NCKAP5: variants seen among roughly 807,000 people sequenced by gnomAD.
The protein encoded by NCKAP5 is nck-associated protein 5.
NCKAP5 carries 92 observed loss-of-function variants against 167.0 expected under a neutral mutation model. That is an observed-to-expected ratio of 0.55 (90% CI 0.47 to 0.66). The LOEUF (loss-of-function observed/expected upper bound fraction) is 0.66. Among genes scored for constraint, NCKAP5 ranks in the 30% least tolerant of loss-of-function variants. The pLI is 0.00. For synonymous variants in NCKAP5, 891 were observed against 877.4 expected, an observed-to-expected ratio of 1.02 and a Z score of -0.27; for missense variants, 2,378 against 2,315.0, an observed-to-expected ratio of 1.03 and a Z score of -0.56.
At position 133,559,044 on chromosome 2, in the gene NCKAP5, A is replaced by T. The variant is rs1317708798; in HGVS notation, c.-62+6T>A. ...GTATTATTAATAACGTATTAATACT[A>T]CTTACATGTATTGTGAGTCTATTTT... On this transcript the variant is annotated splice_donor_region_variant and intron_variant, in intron 2 of 19. Coordinates refer to ENST00000409261, the MANE Select transcript of NCKAP5 (RefSeq NM_207363.3). The T allele has an allele frequency of 1.3e-5, 2 of 152,254 alleles. No homozygotes were observed. The highest frequency in any genetic ancestry group is 3.9e-4 in the East Asian group (2 of 5,182). 9.4% of individuals were successfully genotyped at this position (152,254 alleles called of 1,614,324 possible).
intron 14 of NCKAP5, among the ~76,000 whole-genome samples, 161 bp from the exon 15 acceptor site, chr2:132,781,390 A>G (rs1683018442): frequency 6.6e-6 from 1 of 152,204 alleles, no homozygotes; most frequent in African/African-American, 2.4e-5. Context: ...CAAATCTTCA[A>G]ATATTCTAGT....
At chr2:133,045,850 T>C (rs1016113967) in intron 6 of NCKAP5, among the ~76,000 whole-genome samples, 9 of 152,160 alleles carry the variant, frequency 5.9e-5, no homozygotes, top group Non-Finnish European at 8.8e-5. Flanking sequence ...TGCGATGAGA[T>C]GAAGAGAGGT....
chr2:132,736,322 T>C (rs767336013), intron 16 of NCKAP5, among the ~76,000 whole-genome samples: 17 of 152,204 alleles, frequency 1.1e-4, no homozygotes, highest in Non-Finnish European at 1.9e-4. Context: ...AAAAATATTG[T>C]AACCCGAATT....
Position 132,784,913 on chromosome 2 carries a change from T to C in NCKAP5, c.1898A>G (p.Glu633Gly). ...FGKSLCGSPEEEEKQVPIPSE... is the reference protein window; with the variant it reads ...FGKSLCGSPEGEEKQVPIPSE... ...AGGGATGGGCACTTGTTTTTCCTCC[T>C]CTTCAGGAGACCCACATAGAGATTT... Residue 633 changes from glutamate (E) to glycine (G), a missense_variant, in exon 14 of 20, where the codon GAG becomes GGG. Physicochemically the swap from Glu to Gly is moderately conservative, Grantham distance 98 (BLOSUM62 -2). This residue lies in a region of NCKAP5 where 1,049 missense variants were observed against 1,023.4 expected (regional missense o/e 1.02). Coordinates refer to ENST00000409261, the MANE Select transcript of NCKAP5 (RefSeq NM_207363.3). 6 of 1,577,530 alleles carry C rather than the reference T, an allele frequency of 3.8e-6. No individual in the cohort carries two copies. The highest frequency in any genetic ancestry group is 5.2e-6 in the Non-Finnish European group (6 of 1,162,538).
chr2:133,476,601 T>C (rs955840320), intron 3 of NCKAP5, among the ~76,000 whole-genome samples: 16 of 152,324 alleles, frequency 1.1e-4, no homozygotes, highest in Non-Finnish European at 5.9e-5. Flanking sequence ...CTCCATGCTT[T>C]TAATTTACTC....
chr2:133,638,871 A>G, the NCKAP5 span, among the ~76,000 whole-genome samples: 2 of 152,078 alleles, frequency 1.3e-5, no homozygotes, highest in East Asian at 3.9e-4. Context: ...AAAAAAAAAA[A>G]AAGACTTATC....
intron 7 of NCKAP5, among the ~76,000 whole-genome samples, chr2:132,992,452 T>C (rs1423241751): frequency 6.6e-6 from 1 of 152,182 alleles, no homozygotes; most frequent in South Asian, 2.1e-4. Context: ...AGATCCACCA[T>C]GAAGAAATCA....
chr2:133,654,770 T>C, the NCKAP5 span, among the ~76,000 whole-genome samples: 19 of 152,342 alleles, frequency 1.2e-4, 1 homozygote, highest in African/African-American at 4.6e-4. Context: ...AGGGATAGTT[T>C]GACAAGTGTA....
chr2:133,665,678 T>A, the NCKAP5 span, among the ~76,000 whole-genome samples: 1 of 151,828 alleles, frequency 6.6e-6, no homozygotes, highest in East Asian at 1.9e-4. Flanking sequence ...CAGACTTGCT[T>A]AATGCAGGGT....
At chr2:132,879,015 C>A in intron 8 of NCKAP5, 99 bp from the exon 9 acceptor site, 1 of 912,356 alleles carries the variant, frequency 1.1e-6, no homozygotes, top group Non-Finnish European at 1.8e-6. Context: ...CCTCGTGATC[C>A]AAAACAATCT....
At chr2:133,288,892 C>G (rs1041288386) in intron 4 of NCKAP5, among the ~76,000 whole-genome samples, 1 of 152,146 alleles carries the variant, frequency 6.6e-6, no homozygotes, top group Non-Finnish European at 1.5e-5. Context: ...TTCAACTGGC[C>G]TACCTAGATG....
chr2:133,450,578 C>G (rs901807132), intron 3 of NCKAP5, among the ~76,000 whole-genome samples: 1 of 152,200 alleles, frequency 6.6e-6, no homozygotes, highest in African/African-American at 2.4e-5. Flanking sequence ...ACATTTATTT[C>G]TTTTAAATCA....
chr2:133,081,586 G>C (rs1031634867), intron 6 of NCKAP5, among the ~76,000 whole-genome samples: 4 of 152,032 alleles, frequency 2.6e-5, no homozygotes, highest in African/African-American at 9.7e-5. Flanking sequence ...TTTAAAGCTT[G>C]GAAAGAAAGA....
At position 132,844,774 on chromosome 2, in the gene NCKAP5, A is replaced by T. The variant is rs188038418; in HGVS notation, c.807+15718T>A. Among the ~76,000 whole-genome samples, 147 of 152,260 alleles carry T rather than the reference A, an allele frequency of 9.7e-4. 1 individual carries two copies. The highest frequency in any genetic ancestry group is 1.6e-3 in the Non-Finnish European group (106 of 67,986). On this transcript the variant is annotated intron_variant, in intron 11 of 19. Coordinates refer to ENST00000409261, the MANE Select transcript of NCKAP5 (RefSeq NM_207363.3). ...ACATGTCACCCTCTGCACATGAATG[A>T]CGGTTTCTATAAATATGGATATGTG...
At chr2:132,730,873 CTATA>C (rs1690933709) in intron 17 of NCKAP5, among the ~76,000 whole-genome samples, 1 of 152,156 alleles carries the variant, frequency 6.6e-6, no homozygotes, top group South Asian at 2.1e-4. Flanking sequence ...ATGGGTATTC[CTATA>C]TAAAGGAAGA....
At chr2:133,421,321 T>C (rs1279945786) in intron 3 of NCKAP5, among the ~76,000 whole-genome samples, 1 of 151,230 alleles carries the variant, frequency 6.6e-6, no homozygotes, top group East Asian at 2.0e-4. Flanking sequence ...CTCCTAATTC[T>C]TTTGTTACAC....
At chr2:133,275,188 A>G (rs1257200933) in intron 4 of NCKAP5, among the ~76,000 whole-genome samples, 2 of 152,094 alleles carry the variant, frequency 1.3e-5, no homozygotes, top group Admixed American at 1.3e-4. Flanking sequence ...GGGAAATGCA[A>G]ATTAAAACAA....
intron 7 of NCKAP5, among the ~76,000 whole-genome samples, chr2:132,982,571 T>C (rs2077172043): frequency 6.6e-6 from 1 of 152,210 alleles, no homozygotes; most frequent in Non-Finnish European, 1.5e-5. Flanking sequence ...TACCTAGATA[T>C]ATTGCGTGAT....
chr2:133,566,128 G>A (rs753508214), intron 1 of NCKAP5, among the ~76,000 whole-genome samples: 2 of 152,294 alleles, frequency 1.3e-5, no homozygotes, highest in African/African-American at 4.8e-5. Context: ...GGTAATGGAC[G>A]GGTGTATGCG....
Sources: allele counts gnomAD v4.1 joint callset (sites outside exome capture counted in the v4.1 genomes callset), GRCh38; gene constraint gnomAD v4.1.1; regional missense constraint gnomAD v4.1.1; transcripts MANE v1.5; gene names NCBI Gene and HGNC (gene_info 2026-07-23, HGNC 2026-07-21).